Variants in CAST observed in about 807,000 individuals in gnomAD.
CAST encodes calpastatin, also known as MIR583 host.
CAST carries 76 observed loss-of-function variants against 119.6 expected under a neutral mutation model. The ratio of observed to expected loss-of-function variants is 0.64; its 90% CI spans 0.53 to 0.77. The LOEUF is 0.77. Among genes scored for constraint, CAST ranks in the 30% least tolerant of loss-of-function variants. CAST has a pLI of 0.00. For synonymous variants in CAST, 319 were observed against 331.6 expected (o/e 0.96, Z 0.41); for missense variants, 953 against 946.5 (o/e 1.01, Z -0.09).
chr5:96,250,032 A>G, the CAST span, among the ~76,000 whole-genome samples: 1 of 152,100 alleles, frequency 6.6e-6, no homozygotes, highest in Non-Finnish European at 1.5e-5. Context: ...TCCATATGTT[A>G]GTGGCTTACA....
intron 1 of CAST, among the ~76,000 whole-genome samples, chr5:96,553,072 C>A (rs1445930426): frequency 2.6e-5 from 4 of 152,152 alleles, no homozygotes; most frequent in Non-Finnish European, 4.4e-5. Context: ...AGGCCAGCAT[C>A]ATCCTAATAC....
chr5:96,677,649 C>T (rs981209349), intron 2 of CAST, among the ~76,000 whole-genome samples: 1 of 152,150 alleles, frequency 6.6e-6, no homozygotes, highest in African/African-American at 2.4e-5. Flanking sequence ...ATTCATGACC[C>T]CTGCCCTTGT....
chr5:96,722,766 G>A (rs1190357534), intron 4 of CAST, 68 bp downstream of exon 4: 14 of 1,102,292 alleles, frequency 1.3e-5, no homozygotes, highest in Non-Finnish European at 1.8e-5. Context: ...AACAAATGTA[G>A]ACTAATTGTT....
At chr5:96,640,383 A>G (rs1210457880) in intron 1 of CAST, among the ~76,000 whole-genome samples, 5 of 152,236 alleles carry the variant, frequency 3.3e-5, no homozygotes, top group African/African-American at 1.2e-4. Context: ...TTGCACTGCT[A>G]GCAAGCAAGA....
At chr5:96,526,857 G>C (rs986260652), upstream of CAST, among the ~76,000 whole-genome samples, 1 of 152,196 alleles carries the variant, frequency 6.6e-6, no homozygotes, top group African/African-American at 2.4e-5. Flanking sequence ...TCTGTGGCCT[G>C]TGCTTTTTCC....
At chr5:95,973,216 G>T in the CAST span, 669 of 182,366 alleles carry the variant, frequency 3.7e-3, 9 homozygotes, top group African/African-American at 0.015. Flanking sequence ...TCTGCTATTA[G>T]CTGTAGTTTC....
the CAST span, among the ~76,000 whole-genome samples, chr5:96,408,861 C>T: frequency 6.6e-6 from 1 of 152,142 alleles, no homozygotes; most frequent in Admixed American, 6.5e-5. Context: ...AGATTTGATA[C>T]CTGTGAGTTG....
chr5:96,761,075 A>C (rs534517909), intron 24 of CAST: 1 of 152,156 alleles, frequency 6.6e-6, no homozygotes, highest in Non-Finnish European at 1.5e-5. Context: ...TAAATGATTT[A>C]GTATTTTTAA....
chr5:96,521,638 C>T (rs1200385387), upstream of CAST, among the ~76,000 whole-genome samples: 1 of 152,200 alleles, frequency 6.6e-6, no homozygotes, highest in Non-Finnish European at 1.5e-5. Flanking sequence ...ATTTGTCTCT[C>T]ACTCTTTCTC....
chr5:96,236,131 A>G, the CAST span, among the ~76,000 whole-genome samples: 72 of 151,026 alleles, frequency 4.8e-4, no homozygotes, highest in African/African-American at 1.3e-3. Context: ...CTATCTCTCT[A>G]TCTATCTATC....
chr5:96,195,618 A>C, the CAST span, among the ~76,000 whole-genome samples: 1 of 152,248 alleles, frequency 6.6e-6, no homozygotes, highest in Non-Finnish European at 1.5e-5. Flanking sequence ...TATTTGAAAC[A>C]ATCAGTTATC....
the CAST span, among the ~76,000 whole-genome samples, chr5:96,409,131 A>C: frequency 7.9e-5 from 12 of 152,186 alleles, no homozygotes; most frequent in Non-Finnish European, 1.5e-4. Context: ...GGTAATGAAG[A>C]GATTGCTGAG....
chr5:96,686,197 C>A (rs1752065014), intron 2 of CAST, among the ~76,000 whole-genome samples: 1 of 151,774 alleles, frequency 6.6e-6, no homozygotes, highest in Non-Finnish European at 1.5e-5. Context: ...TATTTCATGA[C>A]TCCTCTTTAG....
intron 1 of CAST, among the ~76,000 whole-genome samples, chr5:96,674,934 T>C (rs1225875772): frequency 2.0e-5 from 3 of 152,350 alleles, no homozygotes; most frequent in South Asian, 2.1e-4. Context: ...AGATGTATGA[T>C]TGTTATGTGT....
the CAST span, among the ~76,000 whole-genome samples, chr5:96,018,804 C>A: frequency 6.6e-6 from 1 of 152,132 alleles, no homozygotes; most frequent in Non-Finnish European, 1.5e-5. Context: ...TCATATAATT[C>A]TTTGTTACTA....
the CAST span, among the ~76,000 whole-genome samples, chr5:96,479,587 G>T: frequency 6.6e-6 from 1 of 151,876 alleles, no homozygotes; most frequent in South Asian, 2.1e-4. Context: ...GTAGCTGGGA[G>T]TATAGGCATG....
At chr5:96,374,318 G>T in the CAST span, among the ~76,000 whole-genome samples, 1 of 152,108 alleles carries the variant, frequency 6.6e-6, no homozygotes, top group African/African-American at 2.4e-5. Flanking sequence ...ACATAATAGA[G>T]GGTCATTTCC....
At chr5:96,470,876 G>C in the CAST span, among the ~76,000 whole-genome samples, 1 of 152,050 alleles carries the variant, frequency 6.6e-6, no homozygotes, top group African/African-American at 2.4e-5. Context: ...ATATTTTTAA[G>C]TACTATAGCT....
the CAST span, among the ~76,000 whole-genome samples, chr5:96,443,940 T>C: frequency 1.3e-5 from 2 of 152,252 alleles, no homozygotes; most frequent in South Asian, 2.1e-4. Context: ...TTCATGTTGC[T>C]AGGGTATACT....
Sources: allele counts gnomAD v4.1 joint callset (sites outside exome capture counted in the v4.1 genomes callset), GRCh38; gene constraint gnomAD v4.1.1; transcripts MANE v1.5; gene names NCBI Gene and HGNC (gene_info 2026-07-23, HGNC 2026-07-21).